ZNF732: variants seen among roughly 807,000 people sequenced by gnomAD.
The protein encoded by ZNF732 is zinc finger protein 732, also known as zinc finger protein LOC654254.
In ZNF732, 12 loss-of-function variants were observed where a neutral mutation model predicts 11.5. The observed-to-expected ratio is 1.05, with a 90% CI of 0.67 to 1.70. The LOEUF (loss-of-function observed/expected upper bound fraction) is 1.70. ZNF732 is among the 40% of genes most tolerant of loss of function. ZNF732 has a pLI of 0.00. For synonymous variants in ZNF732, 231 were observed against 236.5 expected (o/e 0.98, Z 0.21); for missense variants, 702 against 676.9 (o/e 1.04, Z -0.41).
intron 1 of ZNF732, 101 bp downstream of exon 1, chr4:305,207 G>A (rs1167716029): frequency 2.1e-6 from 3 of 1,448,718 alleles, no homozygotes; most frequent in Non-Finnish European, 1.8e-6. Context: ...CTGAGCGGCG[G>A]CAGCGGAGAC....
At chr4:296,224 T>C in intron 1 of ZNF732, 69 bp from the exon 2 acceptor site, 2 of 1,573,446 alleles carry the variant, frequency 1.3e-6, no homozygotes, top group Non-Finnish European at 8.6e-7. Context: ...TTAAGAGAAC[T>C]AGTTCTGACA....
intron 1 of ZNF732, among the ~76,000 whole-genome samples, chr4:301,206 A>C (rs1720110502): frequency 6.6e-6 from 1 of 152,228 alleles, no homozygotes; most frequent in Non-Finnish European, 1.5e-5. Flanking sequence ...ATCATTAAAA[A>C]GTCAGGAAAC....
intron 3 of ZNF732, among the ~76,000 whole-genome samples, chr4:283,754 A>G (rs1159403317): frequency 6.6e-6 from 1 of 152,178 alleles, no homozygotes; most frequent in Non-Finnish European, 1.5e-5. Context: ...CTGCACCAAA[A>G]GACATATATA....
chr4:281,419 G>A (rs1433809210), intron 3 of ZNF732, among the ~76,000 whole-genome samples: 2 of 152,198 alleles, frequency 1.3e-5, no homozygotes, highest in Non-Finnish European at 2.9e-5. Flanking sequence ...TCGCAAGAGC[G>A]ACACAGCAGG....
chr4:282,149 C>CT (rs1258778126), intron 3 of ZNF732, among the ~76,000 whole-genome samples: 16 of 151,952 alleles, frequency 1.1e-4, no homozygotes, highest in Non-Finnish European at 4.4e-5. Flanking sequence ...CGTAAATAGA[C>CT]TTTTTTTAAA....
At position 271,569 on chromosome 4, in the gene ZNF732, A is replaced by G. The variant is rs1553837449; in HGVS notation, c.1288T>C (p.Ser430Pro). 3 of 1,612,136 alleles carry G rather than the reference A, an allele frequency of 1.9e-6. No homozygotes were observed. The highest frequency in any genetic ancestry group is 2.5e-6 in the Non-Finnish European group (3 of 1,179,192). The change falls in exon 4 of 4, where the codon TCC (serine) becomes CCC (proline). Residue 430 changes from serine to proline, a missense_variant. This residue lies in a region of ZNF732 where 596 missense variants were observed against 557.9 expected (regional missense o/e 1.07). Transcript: ENST00000419098. Reference protein sequence around the residue: ...CEECGKAFGWSTDLNKHKIIH... With the variant: ...CEECGKAFGWPTDLNKHKIIH... ...ATCTTATGTTTATTCAGGTCTGTGG[A>G]CCATCCAAAGGCTTTGCCACACTCT...
chr4:290,463 G>A (rs1282868914), intron 3 of ZNF732, among the ~76,000 whole-genome samples: 1 of 152,124 alleles, frequency 6.6e-6, no homozygotes, highest in South Asian at 2.1e-4. Flanking sequence ...GGCCTCAGCT[G>A]TGGTCCCTGA....
chr4:305,386 T>C lies in ZNF732; in HGVS notation c.-76A>G, dbSNP rs979336322. 1.9e-6 allele frequency: 3 copies of C among 1,596,424 alleles called. No homozygotes were observed. The highest frequency in any genetic ancestry group is 4.5e-5 in the East Asian group (2 of 44,600). ...CCGCAGGTCACAGAGCGACGGAGGC[T>C]GAGGCTGTGACCGAATCACCGACGC... On this transcript the variant is annotated 5_prime_UTR_variant, in exon 1 of 4. Coordinates refer to ENST00000419098, the MANE Select transcript of ZNF732 (RefSeq NM_001137608.3).
intron 3 of ZNF732, among the ~76,000 whole-genome samples, chr4:292,936 T>A (rs1343090849): frequency 7.0e-6 from 1 of 142,818 alleles, no homozygotes; most frequent in African/African-American, 2.6e-5. Context: ...GGCGTGGTGT[T>A]AGGTACCTGT....
At chr4:281,706 T>C (rs887894972) in intron 3 of ZNF732, among the ~76,000 whole-genome samples, 11 of 152,160 alleles carry the variant, frequency 7.2e-5, no homozygotes, top group Non-Finnish European at 1.0e-4. Flanking sequence ...GGAGAAGATA[T>C]TTACCTCCTC....
At chr4:301,608 T>C (rs905284137) in intron 1 of ZNF732, among the ~76,000 whole-genome samples, 12 of 152,142 alleles carry the variant, frequency 7.9e-5, no homozygotes, top group African/African-American at 2.9e-4. Flanking sequence ...CTCAGCAAAC[T>C]ATCACAAGGA....
In ZNF732 at chr4:270,871, A is replaced by T; in HGVS notation, c.*228T>A. 1 of 713,164 alleles carries T rather than the reference A, an allele frequency of 1.4e-6. No individual in the cohort carries two copies. The highest frequency in any genetic ancestry group is 1.5e-5 in the South Asian group (1 of 66,990). The allele number at this position is 713,164 out of a possible 1,614,324, so 44.2% of individuals were successfully genotyped here. A position where few individuals can be genotyped will look rare whatever the true frequency, so the allele number is the denominator to read the frequency against. On this transcript the variant is annotated 3_prime_UTR_variant, in exon 4 of 4. Transcript: ENST00000419098. ...TTTGTAGGGTTGCTCTCCAGCATCA[A>T]TTTTCTTATGTTGATTCAGGTATGC...
intron 1 of ZNF732, among the ~76,000 whole-genome samples, chr4:304,353 A>C (rs1720181469): frequency 6.6e-6 from 1 of 151,884 alleles, no homozygotes; most frequent in Admixed American, 6.6e-5. Flanking sequence ...GCCCAGCGGG[A>C]CAGCACATGT....
At chr4:294,588 A>C (rs1480390507) in intron 3 of ZNF732, among the ~76,000 whole-genome samples, 1 of 152,194 alleles carries the variant, frequency 6.6e-6, no homozygotes, top group African/African-American at 2.4e-5. Flanking sequence ...AAGGTGAGTA[A>C]ACACTTTAAT....
intron 3 of ZNF732, among the ~76,000 whole-genome samples, 155 bp from the exon 4 acceptor site, chr4:272,785 C>T (rs1719417522): frequency 6.6e-6 from 1 of 151,960 alleles, no homozygotes; most frequent in Admixed American, 6.6e-5. Context: ...ATGTAACAAA[C>T]ATATACTGAT....
chr4:294,966 T>C (rs1553841950), intron 3 of ZNF732, among the ~76,000 whole-genome samples: 1 of 152,210 alleles, frequency 6.6e-6, no homozygotes, highest in Non-Finnish European at 1.5e-5. Flanking sequence ...TTGCAACCTC[T>C]ATAGGATTAA....
chr4:274,037 A>C (rs1719443856), intron 3 of ZNF732, among the ~76,000 whole-genome samples: 1 of 151,824 alleles, frequency 6.6e-6, no homozygotes, highest in Non-Finnish European at 1.5e-5. Flanking sequence ...AAAATAACAT[A>C]ATGTAAGAAA....
intron 3 of ZNF732, among the ~76,000 whole-genome samples, chr4:288,113 ATTC>A (rs1713547862): frequency 1.3e-5 from 2 of 152,076 alleles, no homozygotes; most frequent in South Asian, 4.1e-4. Flanking sequence ...TAATCATGTT[ATTC>A]TTTGTTGATT....
At chr4:299,017 AATGTCTTCTATGAGTTTTCTGTT>A (rs1414499997) in intron 1 of ZNF732, among the ~76,000 whole-genome samples, 1 of 152,056 alleles carries the variant, frequency 6.6e-6, no homozygotes, top group Non-Finnish European at 1.5e-5. Context: ...TGATGTAGAA[AATGTCTTCTATGAGTTTTCTGTT>A]ATGTCTTCAG....
Sources: gnomAD v4.1 joint callset for allele counts (sites outside exome capture counted in the v4.1 genomes callset) on GRCh38, gnomAD v4.1.1 for gene constraint, gnomAD v4.1.1 regional missense constraint, MANE v1.5 for transcripts, NCBI Gene and HGNC (gene_info 2026-07-23, HGNC 2026-07-21) for gene names.